The following CAPZA1 variants were observed in gnomAD, a reference collection of about 807,000 sequenced individuals.
The protein encoded by CAPZA1 is capping actin protein of muscle Z-line subunit alpha 1.
In CAPZA1, 10 loss-of-function variants were observed where a neutral mutation model predicts 40.8. That is an observed-to-expected ratio of 0.25 (90% CI 0.15 to 0.42). CAPZA1 has a LOEUF of 0.42. Among genes scored for constraint, CAPZA1 ranks in the 10% least tolerant of loss-of-function variants. The probability of loss-of-function intolerance (pLI) is 1.00; values close to 1 mark genes in which losing one functional copy is unlikely to be tolerated. For missense variants in CAPZA1, 277 were observed against 353.8 expected (o/e 0.78, Z 1.74); for synonymous variants, 98 against 115.0 (o/e 0.85, Z 0.95).
intron 1 of CAPZA1, among the ~76,000 whole-genome samples, chr1:112,627,305 A>G (rs1354496133): frequency 6.6e-6 from 1 of 152,206 alleles, no homozygotes; most frequent in Non-Finnish European, 1.5e-5. Context: ...GGATGCCTTT[A>G]TAGACACTGA....
intron 1 of CAPZA1, among the ~76,000 whole-genome samples, chr1:112,638,751 A>G (rs962307880): frequency 6.6e-6 from 1 of 151,512 alleles, no homozygotes; most frequent in Non-Finnish European, 1.5e-5. Flanking sequence ...CCTGGCCAAC[A>G]TGGTGAAACC....
At chr1:112,659,983 A>C (rs1671572925) in intron 7 of CAPZA1, among the ~76,000 whole-genome samples, 1 of 152,056 alleles carries the variant, frequency 6.6e-6, no homozygotes, top group Non-Finnish European at 1.5e-5. Flanking sequence ...AGTGTATGGC[A>C]ACATGGTTAT....
chr1:112,667,517 TGTTTTGTG>T (rs1423359130), intron 8 of CAPZA1, among the ~76,000 whole-genome samples: 1 of 152,142 alleles, frequency 6.6e-6, no homozygotes, highest in Non-Finnish European at 1.5e-5. Flanking sequence ...TCAATTAGAA[TGTTTTGTG>T]GTTTGGTGGT....
At chr1:112,642,935 A>C (rs1424152316) in intron 1 of CAPZA1, among the ~76,000 whole-genome samples, 1 of 152,098 alleles carries the variant, frequency 6.6e-6, no homozygotes, top group Non-Finnish European at 1.5e-5. Flanking sequence ...CTTGCAGGGA[A>C]GTTACTTTTT....
chr1:112,670,329 G>T lies in CAPZA1; in HGVS notation c.*197G>T, dbSNP rs1221843324. The T allele has an allele frequency of 1.7e-4, 54 of 313,968 alleles. No homozygotes were observed. The highest frequency in any genetic ancestry group is 5.0e-4 in the South Asian group (7 of 13,864). 19.4% of individuals were successfully genotyped at this position (313,968 alleles called of 1,614,324 possible). On this transcript the variant is annotated 3_prime_UTR_variant, in exon 10 of 10. Coordinates refer to ENST00000263168, the MANE Select transcript of CAPZA1 (RefSeq NM_006135.3). Reference sequence around the variant, plus strand: ...TGTGTTCTCTGCCTTGTAATTTTCTGTTACTGCTATATCTACGTGTAAATC... The same window carrying T: ...TGTGTTCTCTGCCTTGTAATTTTCTTTTACTGCTATATCTACGTGTAAATC...
Position 112,640,491 on chromosome 1 carries a change from G to T in CAPZA1, c.40-6719G>T, listed in dbSNP as rs550956113. ...GCCGCCCAGTCCGGGAGGGAGGTGG[G>T]GGGGTCAGCCCCCCGTCCGGGAGGT... On this transcript the variant is annotated intron_variant, in intron 1 of 9. Coordinates refer to ENST00000263168, the MANE Select transcript of CAPZA1 (RefSeq NM_006135.3). Among the ~76,000 whole-genome samples, 1,083 of 134,440 alleles carry T rather than the reference G, an allele frequency of 8.1e-3. 32 individuals are homozygous for T. Among genetic ancestry groups the T allele is most frequent in the African/African-American group, 0.03 (1,032 of 34,440 alleles). 88.2% of individuals were successfully genotyped at this position (134,440 alleles called of 152,430 possible).
At chr1:112,668,880 C>A (rs1011564422) in intron 8 of CAPZA1, among the ~76,000 whole-genome samples, 2 of 152,170 alleles carry the variant, frequency 1.3e-5, no homozygotes, top group African/African-American at 4.8e-5. Context: ...GAAAGTGAAA[C>A]AGGCAAATAA....
Position 112,619,864 on chromosome 1 carries a change from G to T in CAPZA1, c.20G>T (p.Arg7Leu). ...CCCAAGATGGCCGACTTCGATGATC[G>T]TGTGTCGGATGAGGAGAAGGTAAGG... The part of the protein sequence containing the change: MADFDD[R>L]VSDEEKVRIA... Residue 7 changes from arginine to leucine, a missense_variant, in exon 1 of 10, where the codon CGT becomes CTT. Arg to Leu is a moderately radical substitution (Grantham distance 102). Transcript: ENST00000263168. 1 of 1,612,856 alleles carries T rather than the reference G, an allele frequency of 6.2e-7. No individual in the cohort carries two copies.
intron 1 of CAPZA1, among the ~76,000 whole-genome samples, chr1:112,640,150 C>G (rs1323160412): frequency 9.8e-5 from 12 of 122,926 alleles, no homozygotes; most frequent in Non-Finnish European, 1.6e-4. Context: ...GGGGGATCAG[C>G]CCCCCACCCG....
chr1:112,629,368 C>G (rs1015218897), intron 1 of CAPZA1, among the ~76,000 whole-genome samples: 6 of 152,072 alleles, frequency 3.9e-5, no homozygotes, highest in African/African-American at 1.4e-4. Context: ...TTTTCTTTGC[C>G]TTGTTTTTTC....
intron 1 of CAPZA1, chr1:112,620,159 C>G (rs569887544): frequency 1.5e-4 from 55 of 359,256 alleles, no homozygotes; most frequent in African/African-American, 9.5e-4. Flanking sequence ...TTTATTGGAT[C>G]GTGACTGTGG....
At chr1:112,642,361 C>T (rs1022131839) in intron 1 of CAPZA1, among the ~76,000 whole-genome samples, 2 of 151,710 alleles carry the variant, frequency 1.3e-5, no homozygotes, top group Admixed American at 6.6e-5. Flanking sequence ...TTACAGTTGC[C>T]TGCCACCGTG....
At chr1:112,669,644 CTTA>C in intron 9 of CAPZA1, 39 bp downstream of exon 9, 1 of 1,371,918 alleles carries the variant, frequency 7.3e-7, no homozygotes, top group South Asian at 1.2e-5. Context: ...GATCTACTAT[CTTA>C]TTATTTCGCT....
At chr1:112,642,846 T>C (rs1214708155) in intron 1 of CAPZA1, among the ~76,000 whole-genome samples, 1 of 152,202 alleles carries the variant, frequency 6.6e-6, no homozygotes, top group Non-Finnish European at 1.5e-5. Context: ...AATTTTCAGT[T>C]TGGTAATTTT....
Position 112,670,362 on chromosome 1 carries a change from CTTT to C in CAPZA1, c.*247_*249del, listed in dbSNP as rs58051216. 355 of 149,988 alleles carry C rather than the reference CTTT, an allele frequency of 2.4e-3. No homozygotes were observed. Among genetic ancestry groups the C allele is most frequent in the Middle Eastern group, 3.5e-3 (1 of 282 alleles). The allele number at this position is 149,988 out of a possible 1,614,324, so 9.3% of individuals were successfully genotyped here. A position where few individuals can be genotyped will look rare whatever the true frequency, so the allele number is the denominator to read the frequency against. The stretch of plus-strand genomic sequence containing the variant: ...TATATCTACGTGTAAATCTTTTTTT[CTTT>C]TTTTTTTTTTTTTTTTGGTTAATTC... On this transcript the variant is annotated 3_prime_UTR_variant, in exon 10 of 10. Transcript: ENST00000263168.
rs145645395 is a variant in CAPZA1 at position 112,665,422 on chromosome 1, C to T, written c.586-1652C>T. Reference sequence around the variant, plus strand: ...TTCGAACTCCTGACCTCAAGTGATCCGCCCGCCTTGGCCTCCCAAAGTGCT... The same window carrying T: ...TTCGAACTCCTGACCTCAAGTGATCTGCCCGCCTTGGCCTCCCAAAGTGCT... On this transcript the variant is annotated intron_variant, in intron 7 of 9. Coordinates refer to ENST00000263168, the MANE Select transcript of CAPZA1 (RefSeq NM_006135.3). Among the ~76,000 whole-genome samples the T allele has an allele frequency of 4.6e-3, 696 of 152,148 alleles. 3 individuals carry two copies. Among genetic ancestry groups the T allele is most frequent in the African/African-American group, 0.016 (645 of 41,512 alleles).
intron 3 of CAPZA1, among the ~76,000 whole-genome samples, chr1:112,651,424 G>A (rs1001620212): frequency 2.0e-5 from 3 of 152,226 alleles, no homozygotes; most frequent in Admixed American, 6.5e-5. Context: ...AGATGCTACT[G>A]GTTGGACTAG....
chr1:112,659,324 CT>C, intron 6 of CAPZA1: 1 of 550,496 alleles, frequency 1.8e-6, no homozygotes, highest in East Asian at 3.0e-5. Flanking sequence ...GTAAAGTGCC[CT>C]GTTGAAAATC....
At chr1:112,666,880 G>T (rs1170926761) in intron 7 of CAPZA1, 194 bp from the exon 8 acceptor site, 2 of 532,248 alleles carry the variant, frequency 3.8e-6, no homozygotes, top group Non-Finnish European at 6.7e-6. Context: ...TAAGGAAAAA[G>T]CGTTCTTAAA....
Sources: gnomAD v4.1 joint callset for allele counts (sites outside exome capture counted in the v4.1 genomes callset) on GRCh38, gnomAD v4.1.1 for gene constraint, MANE v1.5 for transcripts, NCBI Gene and HGNC (gene_info 2026-07-23, HGNC 2026-07-21) for gene names.